Variants in CDK8 observed in about 807,000 individuals in gnomAD.
The protein encoded by CDK8 is cyclin dependent kinase 8, also known as cyclin-dependent kinase 8.
CDK8 carries 29 observed loss-of-function variants against 71.5 expected under a neutral mutation model. That is an observed-to-expected ratio of 0.41 (90% CI 0.30 to 0.55). The LOEUF is 0.55. Among genes scored for constraint, CDK8 ranks in the 20% least tolerant of loss-of-function variants. The pLI is 0.37. For missense variants in CDK8, 288 were observed against 572.6 expected, an observed-to-expected ratio of 0.50 and a Z score of 5.07; for synonymous variants, 161 against 192.1, an observed-to-expected ratio of 0.84 and a Z score of 1.34.
chr13:26,279,483 T>C (rs939681460), intron 1 of CDK8, among the ~76,000 whole-genome samples: 3 of 151,910 alleles, frequency 2.0e-5, no homozygotes, highest in Non-Finnish European at 2.9e-5. Flanking sequence ...ATCACCGGTA[T>C]AGTTGTCCCA....
rs2137842392 is a variant in CDK8 at position 26,254,620 on chromosome 13, T to C, written c.-22T>C. The C allele has an allele frequency of 7.4e-7, 1 of 1,353,994 alleles. No homozygotes were observed. The highest frequency in any genetic ancestry group is 1.0e-6 in the Non-Finnish European group (1 of 970,550). 83.9% of individuals were successfully genotyped at this position (1,353,994 alleles called of 1,614,324 possible). A position where few individuals can be genotyped will look rare whatever the true frequency, so the allele number is the denominator to read the frequency against. ...GCCCCCCGGCCCCCCGACCCAGCTC[T>C]CCGGCCTCAGAGGCTGTGACAATGG... is the stretch of plus-strand genomic sequence containing the variant. On this transcript the variant is annotated 5_prime_UTR_variant, in exon 1 of 13. Coordinates refer to ENST00000381527, the MANE Select transcript of CDK8 (RefSeq NM_001260.3). This position sits in a 1 kb window ranked among gnomAD's most constrained non-coding sequence, Gnocchi z 6.7.
At chr13:26,382,899 T>G (rs1239497614) in intron 5 of CDK8, 28 bp downstream of exon 5, 2 of 1,503,194 alleles carry the variant, frequency 1.3e-6, no homozygotes, top group African/African-American at 1.4e-5. Context: ...TAAGTCACAG[T>G]GTAGCACTTT....
intron 4 of CDK8, among the ~76,000 whole-genome samples, chr13:26,371,223 GAATCTTGCTA>G (rs1874668599): frequency 6.6e-6 from 1 of 152,126 alleles, no homozygotes; most frequent in South Asian, 2.1e-4. Context: ...TATATATCAA[GAATCTTGCTA>G]AAGCCTTTCA....
At chr13:26,280,824 ACC>A in intron 1 of CDK8, among the ~76,000 whole-genome samples, 1 of 152,342 alleles carries the variant, frequency 6.6e-6, no homozygotes, top group Non-Finnish European at 1.5e-5. Context: ...GACAGGGCTG[ACC>A]TGCAGCTCTT....
intron 1 of CDK8, among the ~76,000 whole-genome samples, chr13:26,303,457 C>T (rs906146651): frequency 5.9e-5 from 9 of 152,178 alleles, no homozygotes; most frequent in East Asian, 1.9e-4. Context: ...CCTGCCAGTA[C>T]GCCTGGCTAA....
At chr13:26,297,882 T>C (rs1873629195) in intron 1 of CDK8, among the ~76,000 whole-genome samples, 1 of 152,154 alleles carries the variant, frequency 6.6e-6, no homozygotes, top group Non-Finnish European at 1.5e-5. Context: ...GCCAGCATGA[T>C]TGGGTTCTGG....
At chr13:26,397,317 TTAGC>T (rs1876042390) in intron 9 of CDK8, 92 bp downstream of exon 9, 2 of 738,486 alleles carry the variant, frequency 2.7e-6, no homozygotes, top group Non-Finnish European at 4.7e-6. Context: ...ATGTGGTTAC[TTAGC>T]TAGCACTCAG....
chr13:26,299,412 G>T (rs1291585237), intron 1 of CDK8, among the ~76,000 whole-genome samples: 1 of 152,138 alleles, frequency 6.6e-6, no homozygotes, highest in African/African-American at 2.4e-5. Flanking sequence ...AGGCTATATT[G>T]TATAGCCTAG....
chr13:26,386,559 G>A (rs938377404), intron 6 of CDK8, among the ~76,000 whole-genome samples: 3 of 151,810 alleles, frequency 2.0e-5, no homozygotes, highest in African/African-American at 7.3e-5. Flanking sequence ...TTATTCCTCT[G>A]GGTTAGATCT....
Position 26,318,323 on chromosome 13 carries a change from A to G in CDK8, c.129-19244A>G, listed in dbSNP as rs540327045. 8.9e-4 allele frequency among the ~76,000 whole-genome samples: 136 copies of G among 152,232 alleles called. 1 individual carries two copies. The highest frequency in any genetic ancestry group is 3.2e-3 in the African/African-American group (132 of 41,566). Reference sequence around the variant, plus strand: ...GCTCTTGATTTAAAAAAAAAAGACCAGGACCTGATGGCTTTGCTGGTTAAT... The same window carrying G: ...GCTCTTGATTTAAAAAAAAAAGACCGGGACCTGATGGCTTTGCTGGTTAAT... On this transcript the variant is annotated intron_variant, in intron 1 of 12. Coordinates refer to ENST00000381527, the MANE Select transcript of CDK8 (RefSeq NM_001260.3).
chr13:26,363,344 A>C (rs1201752861), intron 4 of CDK8, among the ~76,000 whole-genome samples: 1 of 149,866 alleles, frequency 6.7e-6, no homozygotes, highest in Non-Finnish European at 1.5e-5. Flanking sequence ...AAAAAAAAGA[A>C]ATTTGGAGTA....
chr13:26,262,532 T>C (rs1871817174), intron 1 of CDK8, among the ~76,000 whole-genome samples: 1 of 152,224 alleles, frequency 6.6e-6, no homozygotes, highest in South Asian at 2.1e-4. Flanking sequence ...TTGATGGGTT[T>C]CCTATGTTTT....
chr13:26,401,761 C>A lies in CDK8; in HGVS notation c.1269+137C>A. ...ATACATTAACATGAAATGTTACTGG[C>A]ATGGAAAAGTACTGACAGTGGTATG... On this transcript the variant is annotated intron_variant, in intron 12 of 12. Coordinates refer to ENST00000381527, the MANE Select transcript of CDK8 (RefSeq NM_001260.3). The surrounding 1 kb of genome is among the most constrained non-coding windows in gnomAD (Gnocchi z 4.5). 2 of 907,236 alleles carry A rather than the reference C, an allele frequency of 2.2e-6. No homozygotes were observed. Among genetic ancestry groups the A allele is most frequent in the Non-Finnish European group, 3.4e-6 (2 of 589,312 alleles). 56.2% of individuals were successfully genotyped at this position (907,236 alleles called of 1,614,324 possible).
At chr13:26,324,634 G>A (rs1019004963) in intron 1 of CDK8, 31 of 153,688 alleles carry the variant, frequency 2.0e-4, no homozygotes, top group Admixed American at 1.7e-3. Flanking sequence ...AAAAGTATTC[G>A]TGTACATTAA....
intron 2 of CDK8, among the ~76,000 whole-genome samples, chr13:26,348,376 T>G (rs771705595): frequency 2.0e-5 from 3 of 152,108 alleles, no homozygotes; most frequent in Non-Finnish European, 4.4e-5. Context: ...CAAGCGAGCA[T>G]TACCACCTGA....
At chr13:26,272,872 T>C (rs1872395454) in intron 1 of CDK8, among the ~76,000 whole-genome samples, 1 of 152,192 alleles carries the variant, frequency 6.6e-6, no homozygotes, top group Non-Finnish European at 1.5e-5. Flanking sequence ...CTATGTGCTG[T>C]TGTCTTCAAG....
At chr13:26,328,063 A>G (rs1447746560) in intron 1 of CDK8, among the ~76,000 whole-genome samples, 1 of 151,498 alleles carries the variant, frequency 6.6e-6, no homozygotes, top group African/African-American at 2.4e-5. Context: ...TAGGCTGTTC[A>G]TTTAACATCT....
chr13:26,306,267 C>T (rs1211027630), intron 1 of CDK8, among the ~76,000 whole-genome samples: 1 of 152,116 alleles, frequency 6.6e-6, no homozygotes, highest in East Asian at 1.9e-4. Context: ...TTAGTGGTTT[C>T]TGGACTGTAA....
chr13:26,358,558 A>G (rs1028112556), intron 4 of CDK8, among the ~76,000 whole-genome samples: 1 of 152,350 alleles, frequency 6.6e-6, no homozygotes, highest in East Asian at 1.9e-4. Context: ...AAAATAATAC[A>G]GCTGCTGTGG....
Sources: allele counts gnomAD v4.1 joint callset (sites outside exome capture counted in the v4.1 genomes callset), GRCh38; gene constraint gnomAD v4.1.1; non-coding constraint Gnocchi (gnomAD v3.1); transcripts MANE v1.5; gene names NCBI Gene and HGNC (gene_info 2026-07-23, HGNC 2026-07-21).